The following MAN1A2 variants were observed in gnomAD, a reference collection of about 807,000 sequenced individuals.
The protein encoded by MAN1A2 is mannosyl-oligosaccharide 1,2-alpha-mannosidase IB.
MAN1A2 carries 26 observed loss-of-function variants against 75.7 expected under a neutral mutation model. That is an observed-to-expected ratio of 0.34 (90% CI 0.25 to 0.48). The LOEUF is 0.48. Among genes scored for constraint, MAN1A2 ranks in the 20% least tolerant of loss-of-function variants. MAN1A2 has a pLI of 0.99. For missense variants in MAN1A2, 562 were observed against 775.5 expected, an observed-to-expected ratio of 0.72 and a Z score of 3.27; for synonymous variants, 247 against 264.6, an observed-to-expected ratio of 0.93 and a Z score of 0.65.
At chr1:117,391,634 T>C (rs1570705176) in intron 1 of MAN1A2, among the ~76,000 whole-genome samples, 1 of 152,356 alleles carries the variant, frequency 6.6e-6, no homozygotes, top group Admixed American at 6.5e-5. Context: ...TTTACCCATG[T>C]TAACTGTACA....
At chr1:117,411,563 T>A (rs1215824129) in intron 3 of MAN1A2, among the ~76,000 whole-genome samples, 5 of 151,844 alleles carry the variant, frequency 3.3e-5, no homozygotes, top group African/African-American at 4.8e-5. Context: ...ATAAAAATGT[T>A]GGTAAATTGG....
At chr1:117,481,801 G>T (rs1006624572) in intron 8 of MAN1A2, among the ~76,000 whole-genome samples, 2 of 151,956 alleles carry the variant, frequency 1.3e-5, no homozygotes, top group Non-Finnish European at 2.9e-5. Flanking sequence ...CACTGTTAAC[G>T]TTTTACCAGA....
intron 8 of MAN1A2, among the ~76,000 whole-genome samples, chr1:117,469,009 A>G (rs1650059139): frequency 6.6e-6 from 1 of 152,154 alleles, no homozygotes; most frequent in Non-Finnish European, 1.5e-5. Flanking sequence ...GATACTCAGA[A>G]AAGTAAATCA....
intron 1 of MAN1A2, among the ~76,000 whole-genome samples, chr1:117,388,770 T>TAA (rs1359372656): frequency 6.6e-6 from 1 of 152,208 alleles, no homozygotes; most frequent in African/African-American, 2.4e-5. Context: ...GTAGTACTAA[T>TAA]AACAGCTTGG....
intron 8 of MAN1A2, among the ~76,000 whole-genome samples, chr1:117,491,725 C>T (rs1650887993): frequency 1.3e-5 from 2 of 152,062 alleles, no homozygotes; most frequent in South Asian, 2.1e-4. Flanking sequence ...AAAGGAGTCA[C>T]TATTCTAGAT....
intron 8 of MAN1A2, among the ~76,000 whole-genome samples, chr1:117,484,703 T>A (rs1343708069): frequency 6.6e-6 from 1 of 152,008 alleles, no homozygotes; most frequent in Middle Eastern, 3.2e-3. Flanking sequence ...TAATACTGCA[T>A]CTTTACATTT....
intron 5 of MAN1A2, among the ~76,000 whole-genome samples, chr1:117,421,377 A>G (rs1648189381): frequency 6.6e-6 from 1 of 151,944 alleles, no homozygotes; most frequent in Non-Finnish European, 1.5e-5. Flanking sequence ...ATACATATCT[A>G]TGTTAGCTGT....
chr1:117,426,974 G>A (rs1412396016), intron 5 of MAN1A2, among the ~76,000 whole-genome samples: 1 of 152,072 alleles, frequency 6.6e-6, no homozygotes, highest in East Asian at 1.9e-4. Context: ...ATACTAGGCT[G>A]TCATAGCTCT....
At chr1:117,458,484 A>AATATATATAT (rs10569118) in intron 6 of MAN1A2, among the ~76,000 whole-genome samples, 2 of 104,760 alleles carry the variant, frequency 1.9e-5, no homozygotes, top group African/African-American at 8.4e-5. Flanking sequence ...TAAGATGAGA[A>AATATATATAT]ATATATATAT....
rs185795974 is a variant in MAN1A2, at chr1:117,387,148, A to G, written c.303-15038A>G. ...ACATGAAAAGATGCTCAACACCACT[A>G]ATCATTAGGGAAATATAAAGCAAAA... On this transcript the variant is annotated intron_variant, in intron 1 of 12. Coordinates refer to ENST00000356554, the MANE Select transcript of MAN1A2 (RefSeq NM_006699.5). Among the ~76,000 whole-genome samples the G allele has an allele frequency of 4.6e-5, 7 of 152,034 alleles. No homozygotes were observed. In the South Asian group the frequency reaches 8.3e-4, roughly 18 times the overall value.
chr1:117,443,203 C>T (rs901130887), intron 6 of MAN1A2, among the ~76,000 whole-genome samples: 5 of 152,060 alleles, frequency 3.3e-5, no homozygotes, highest in South Asian at 2.1e-4. Context: ...TTTTTAGAAA[C>T]GACTCGACTT....
intron 8 of MAN1A2, among the ~76,000 whole-genome samples, chr1:117,476,137 A>T (rs1303587334): frequency 6.6e-6 from 1 of 151,788 alleles, no homozygotes; most frequent in African/African-American, 2.4e-5. Context: ...TTTTTTTCAT[A>T]TGTTCGTTGG....
At chr1:117,452,676 T>G (rs1388607828) in intron 6 of MAN1A2, among the ~76,000 whole-genome samples, 1 of 152,184 alleles carries the variant, frequency 6.6e-6, no homozygotes, top group Non-Finnish European at 1.5e-5. Flanking sequence ...TTACAGAGGT[T>G]GGTTATAAAG....
At chr1:117,467,871 T>A (rs578144641) in intron 8 of MAN1A2, among the ~76,000 whole-genome samples, 1 of 152,168 alleles carries the variant, frequency 6.6e-6, no homozygotes, top group South Asian at 2.1e-4. Flanking sequence ...TATATGCCAG[T>A]GTATATTCTA....
intron 5 of MAN1A2, among the ~76,000 whole-genome samples, chr1:117,437,692 A>G (rs1236193449): frequency 6.6e-6 from 1 of 152,170 alleles, no homozygotes; most frequent in Non-Finnish European, 1.5e-5. Context: ...TCTACTCTGT[A>G]AAATGGGGGC....
chr1:117,426,918 T>C (rs1279525202), intron 5 of MAN1A2, among the ~76,000 whole-genome samples: 2 of 152,192 alleles, frequency 1.3e-5, no homozygotes, highest in African/African-American at 4.8e-5. Flanking sequence ...TTTTTATATA[T>C]TGCAAGAGCC....
Position 117,457,359 on chromosome 1 carries a change from G to GA in MAN1A2, c.951-3123dup, listed in dbSNP as rs372951813. 1.9e-4 allele frequency among the ~76,000 whole-genome samples: 29 copies of GA among 151,810 alleles called. No homozygotes were observed. In the East Asian group the frequency reaches 4.8e-3, roughly 25 times the overall value. On this transcript the variant is annotated intron_variant, in intron 6 of 12. Coordinates refer to ENST00000356554, the MANE Select transcript of MAN1A2 (RefSeq NM_006699.5). ...CAGACCTTTTATTTTGATCAGTTGA[G>GA]AAAAAAACATAACATTTGCATGAAA... is the stretch of plus-strand genomic sequence containing the variant.
At chr1:117,391,529 A>G (rs1173393977) in intron 1 of MAN1A2, among the ~76,000 whole-genome samples, 4 of 152,210 alleles carry the variant, frequency 2.6e-5, no homozygotes, top group African/African-American at 7.2e-5. Flanking sequence ...ATTAATACAA[A>G]GTGACCCTTT....
At chr1:117,382,210 G>T (rs1328592673) in intron 1 of MAN1A2, among the ~76,000 whole-genome samples, 1 of 152,108 alleles carries the variant, frequency 6.6e-6, no homozygotes, top group Non-Finnish European at 1.5e-5. Flanking sequence ...GTCAATTTTG[G>T]CTTTTGTTGC....
Sources: allele counts gnomAD v4.1 joint callset (sites outside exome capture counted in the v4.1 genomes callset), GRCh38; gene constraint gnomAD v4.1.1; transcripts MANE v1.5; gene names NCBI Gene and HGNC (gene_info 2026-07-23, HGNC 2026-07-21).